The following CYB5R4 variants were observed in gnomAD, a reference collection of about 807,000 sequenced individuals.
CYB5R4 encodes the protein cytochrome b5 reductase 4.
Under a neutral mutation model 70.2 loss-of-function variants are expected in CYB5R4, and 55 were observed. The observed-to-expected ratio is 0.78, with a 90% CI of 0.63 to 0.98. CYB5R4 has a LOEUF of 0.98. Ranked by LOEUF, CYB5R4 falls within the 50% of genes least tolerant of loss-of-function variation. The pLI is 0.00. For missense variants in CYB5R4, 562 were observed against 612.6 expected (o/e 0.92, Z 0.87); for synonymous variants, 197 against 199.5 (o/e 0.99, Z 0.11).
chr6:83,896,573 C>T (rs1402408689), intron 3 of CYB5R4, among the ~76,000 whole-genome samples: 1 of 152,142 alleles, frequency 6.6e-6, no homozygotes, highest in Non-Finnish European at 1.5e-5. Context: ...CAGTTCCTTC[C>T]ATGTTGCTGC....
chr6:83,939,869 A>G (rs1258319153), intron 12 of CYB5R4, among the ~76,000 whole-genome samples, 187 bp from the exon 13 acceptor site: 4 of 152,170 alleles, frequency 2.6e-5, no homozygotes, highest in Non-Finnish European at 5.9e-5. Context: ...TTAGGGGCCT[A>G]ATGAGTATCC....
At chr6:83,914,479 A>T (rs1275943206) in intron 5 of CYB5R4, 31 bp downstream of exon 5, 1 of 1,477,848 alleles carries the variant, frequency 6.8e-7, no homozygotes. Flanking sequence ...TAAATGAATC[A>T]TATTCACATG....
chr6:83,957,414 A>T (rs1396696243), intron 15 of CYB5R4, among the ~76,000 whole-genome samples: 2 of 152,100 alleles, frequency 1.3e-5, no homozygotes, highest in Non-Finnish European at 2.9e-5. Flanking sequence ...TGAGGTCAGG[A>T]GTTCGAGACC....
At chr6:83,881,333 C>G (rs190066045) in intron 2 of CYB5R4, among the ~76,000 whole-genome samples, 99 of 152,116 alleles carry the variant, frequency 6.5e-4, no homozygotes, top group African/African-American at 2.2e-3. Context: ...TGTTACCATA[C>G]CTGGCTAATT....
intron 2 of CYB5R4, among the ~76,000 whole-genome samples, chr6:83,878,413 T>A (rs577779481): frequency 6.6e-6 from 1 of 152,078 alleles, no homozygotes; most frequent in Non-Finnish European, 1.5e-5. Context: ...AGTGGTGCAG[T>A]CTCGGCTCAC....
intron 10 of CYB5R4, among the ~76,000 whole-genome samples, chr6:83,931,013 C>T (rs1248957350): frequency 1.3e-5 from 2 of 152,184 alleles, no homozygotes; most frequent in Admixed American, 6.5e-5. Context: ...AGTATTCTGG[C>T]TGGTTTCATC....
intron 2 of CYB5R4, 78 bp from the exon 3 acceptor site, chr6:83,893,444 T>G (rs1165633649): frequency 1.2e-6 from 1 of 804,478 alleles, no homozygotes; most frequent in Non-Finnish European, 2.0e-6. Context: ...TGGAAAGATT[T>G]ATTGAAACTT....
intron 14 of CYB5R4, among the ~76,000 whole-genome samples, chr6:83,944,391 AT>A (rs1338864408): frequency 6.6e-6 from 1 of 152,202 alleles, no homozygotes; most frequent in East Asian, 1.9e-4. Context: ...ATGCTGAGGG[AT>A]TTCGTCACCA....
chr6:83,906,256 G>T (rs913789433), intron 3 of CYB5R4, among the ~76,000 whole-genome samples: 1 of 152,210 alleles, frequency 6.6e-6, no homozygotes, highest in Non-Finnish European at 1.5e-5. Context: ...TGGTGCGGTA[G>T]CTGGCAGTTC....
At chr6:83,874,546 T>TC (rs1449706854) in intron 2 of CYB5R4, among the ~76,000 whole-genome samples, 2 of 150,612 alleles carry the variant, frequency 1.3e-5, no homozygotes, top group African/African-American at 4.9e-5. Flanking sequence ...CTAAGGCTAA[T>TC]CCCTTTATGT....
At position 83,961,912 on chromosome 6, in the gene CYB5R4, G is replaced by GTTATATTTTA. The variant is rs70987772; in HGVS notation, c.*2044_*2053dup. The GTTATATTTTA allele has an allele frequency of 6.7e-6, 1 of 149,844 alleles. No individual in the cohort carries two copies. Among genetic ancestry groups the GTTATATTTTA allele is most frequent in the Admixed American group, 6.6e-5 (1 of 15,038 alleles). The allele number at this position is 149,844 out of a possible 1,614,324, so 9.3% of individuals were successfully genotyped here. On this transcript the variant is annotated 3_prime_UTR_variant, in exon 16 of 16. Transcript: ENST00000369681. ...TTTATTTATATTTTGTTTATATTTT[G>GTTATATTTTA]TTATATTTTATTATATTTTGTTATA...
chr6:83,957,587 A>G (rs868852030), intron 15 of CYB5R4, among the ~76,000 whole-genome samples: 16 of 141,354 alleles, frequency 1.1e-4, no homozygotes, highest in South Asian at 4.4e-4. Context: ...GCGCCATTGC[A>G]CTCCAGCCTG....
In CYB5R4 at chr6:83,962,573, T is replaced by G. The variant is rs953299788; in HGVS notation, c.*2695T>G. ...AGTAGCTTAAAACAACACCCATTTA[T>G]TATCTCACAGTTCCATGGCACAGAA... On this transcript the variant is annotated 3_prime_UTR_variant, in exon 16 of 16. Coordinates refer to ENST00000369681, the MANE Select transcript of CYB5R4 (RefSeq NM_016230.4). The G allele has an allele frequency of 2.0e-5, 3 of 152,222 alleles. No homozygotes were observed. Among genetic ancestry groups the G allele is most frequent in the Non-Finnish European group, 4.4e-5 (3 of 68,038 alleles). 9.4% of individuals were successfully genotyped at this position (152,222 alleles called of 1,614,324 possible). A position where few individuals can be genotyped will look rare whatever the true frequency, so the allele number is the denominator to read the frequency against.
intron 3 of CYB5R4, among the ~76,000 whole-genome samples, chr6:83,900,095 T>C (rs2129135780): frequency 6.6e-6 from 1 of 152,348 alleles, no homozygotes; most frequent in Admixed American, 6.5e-5. Flanking sequence ...CTTTCTCTTG[T>C]GGGCATTTAG....
chr6:83,936,535 A>G (rs775978744), intron 12 of CYB5R4, among the ~76,000 whole-genome samples, 159 bp downstream of exon 12: 23 of 152,108 alleles, frequency 1.5e-4, no homozygotes, highest in Non-Finnish European at 3.2e-4. Context: ...GCCATGCTCC[A>G]TATTCCTTAT....
In CYB5R4 at chr6:83,936,309, C is replaced by T. The variant is rs1422262938; in HGVS notation, c.1041C>T (p.Tyr347=). The part of the protein sequence containing the change: ...FKEPVLPNNK[Y]IYFLIKIYPT... ...AACCAGTTCTTCCCAACAATAAATACATCTACTTTTTGATAAAAATCTATC... is the reference window on the plus strand; with the variant it reads ...AACCAGTTCTTCCCAACAATAAATATATCTACTTTTTGATAAAAATCTATC... The change falls in exon 12 of 16, where the codon TAC becomes TAT. Residue 347 remains tyrosine, a synonymous_variant. Transcript: ENST00000369681. 1 of 1,612,230 alleles carries T rather than the reference C, an allele frequency of 6.2e-7. No individual in the cohort carries two copies. The highest frequency in any genetic ancestry group is 8.5e-7 in the Non-Finnish European group (1 of 1,178,728).
At chr6:83,914,959 A>G (rs553355381) in intron 5 of CYB5R4, among the ~76,000 whole-genome samples, 1 of 151,738 alleles carries the variant, frequency 6.6e-6, no homozygotes, top group Non-Finnish European at 1.5e-5. Flanking sequence ...CTTCTGTGAC[A>G]TCCCTGAATA....
intron 4 of CYB5R4, among the ~76,000 whole-genome samples, chr6:83,910,781 T>G (rs1314397532): frequency 6.6e-6 from 1 of 152,094 alleles, no homozygotes; most frequent in East Asian, 1.9e-4. Flanking sequence ...GAAGCCAACT[T>G]GGGGAGAAAA....
At chr6:83,904,035 C>G (rs2099463398) in intron 3 of CYB5R4, among the ~76,000 whole-genome samples, 1 of 151,928 alleles carries the variant, frequency 6.6e-6, no homozygotes, top group Non-Finnish European at 1.5e-5. Context: ...AAATCTATTT[C>G]ATATAGTTCT....
Sources: gnomAD v4.1 joint callset for allele counts (sites outside exome capture counted in the v4.1 genomes callset) on GRCh38, gnomAD v4.1.1 for gene constraint, MANE v1.5 for transcripts, NCBI Gene and HGNC (gene_info 2026-07-23, HGNC 2026-07-21) for gene names.